Variants in ZNF516 observed in about 807,000 individuals in gnomAD.
The protein encoded by ZNF516 is zinc finger protein 516.
ZNF516 carries 19 observed loss-of-function variants against 79.7 expected under a neutral mutation model. The ratio of observed to expected loss-of-function variants is 0.24; its 90% confidence interval spans 0.17 to 0.35. The LOEUF is 0.35. ZNF516 is among the 10% of genes least tolerant of loss of function. ZNF516 has a pLI of 1.00. For synonymous variants in ZNF516, 877 were observed against 739.5 expected (o/e 1.19, Z -3.02); for missense variants, 1,678 against 1,679.5 (o/e 1.00, Z 0.02).
rs543998578 is a variant in ZNF516, at chr18:76,437,467, T to C, written c.1810+3778A>G. On this transcript the variant is annotated intron_variant, in intron 3 of 6. Transcript: ENST00000443185. The stretch of plus-strand genomic sequence containing the variant: ...TATTTTTTTTTTCTTTGAAGACTCT[T>C]TCCTTGATTCTTCAAATTGCATATA... 5.3e-5 allele frequency among the ~76,000 whole-genome samples: 8 copies of C among 152,140 alleles called. No homozygotes were observed. In the East Asian group the frequency reaches 1.5e-3, roughly 29 times the overall value.
Position 76,459,034 on chromosome 18 carries a change from T to G in ZNF516, c.-158+3994A>C, listed in dbSNP as rs942789362. Among the ~76,000 whole-genome samples, 5 of 152,182 alleles carry G rather than the reference T, an allele frequency of 3.3e-5. No individual in the cohort carries two copies. The highest frequency in any genetic ancestry group is 1.2e-4 in the African/African-American group (5 of 41,452). On this transcript the variant is annotated intron_variant, in intron 2 of 6. Transcript: ENST00000443185. This position sits in a 1 kb window ranked among gnomAD's most constrained non-coding sequence, Gnocchi z 5.0. ...TCTGAGAGAGCACATGTGTGTGATC[T>G]CTTAACCTACATAAAAGCACTCATT...
At chr18:76,479,132 A>G (rs1914348217) in intron 1 of ZNF516, among the ~76,000 whole-genome samples, 2 of 152,094 alleles carry the variant, frequency 1.3e-5, no homozygotes, top group Non-Finnish European at 2.9e-5. Context: ...AATCATCATC[A>G]GGATACCTCA....
intron 1 of ZNF516, among the ~76,000 whole-genome samples, chr18:76,486,801 C>T (rs1428786108): frequency 3.3e-5 from 5 of 152,136 alleles, no homozygotes; most frequent in East Asian, 1.9e-4. Flanking sequence ...CAATTACATA[C>T]GATATACATC....
At chr18:76,386,248 C>T (rs1472822301) in intron 3 of ZNF516, 1 of 152,076 alleles carries the variant, frequency 6.6e-6, no homozygotes, top group Non-Finnish European at 1.5e-5. Context: ...GTTGAACACA[C>T]AGGGTGGCTG....
At chr18:76,453,319 T>A (rs75740895) in intron 2 of ZNF516, among the ~76,000 whole-genome samples, 2,631 of 152,228 alleles carry the variant, frequency 0.017, 37 homozygotes, top group African/African-American at 0.036. Context: ...TCCAGAAGCT[T>A]AGAATTGCAT....
At chr18:76,386,384 T>C (rs1162764322) in intron 3 of ZNF516, 3 of 152,060 alleles carry the variant, frequency 2.0e-5, no homozygotes, top group Non-Finnish European at 4.4e-5. Context: ...GAACAGGTAA[T>C]TGCAAGCATC....
Position 76,442,608 on chromosome 18 carries a change from G to A in ZNF516, c.447C>T (p.Gly149=), listed in dbSNP as rs1402675882. The stretch of plus-strand genomic sequence containing the variant: ...TCTTGCTGCTCCGCAGCAGGACTCT[G>A]CCGCTGTCGGCCTGCGAGGCCCCGT... ...VLNGASQADS[G]RVLLRSSKKG... The change falls in exon 3 of 7, where the codon GGC becomes GGT. Residue 149 remains glycine, a synonymous_variant. Coordinates refer to ENST00000443185, the MANE Select transcript of ZNF516 (RefSeq NM_014643.4). 6.3e-7 allele frequency: 1 copy of A among 1,596,982 alleles called. No individual in the cohort carries two copies. The highest frequency in any genetic ancestry group is 1.7e-5 in the Admixed American group (1 of 59,782).
At chr18:76,415,482 G>A (rs1392504301) in intron 3 of ZNF516, among the ~76,000 whole-genome samples, 1 of 152,172 alleles carries the variant, frequency 6.6e-6, no homozygotes, top group Non-Finnish European at 1.5e-5. Context: ...GTAAGTGGAT[G>A]TATATTCCAT....
At chr18:76,474,243 G>A (rs191029248) in intron 1 of ZNF516, among the ~76,000 whole-genome samples, 83 of 152,202 alleles carry the variant, frequency 5.5e-4, no homozygotes, top group Admixed American at 2.7e-3. Context: ...AATAAAGTAA[G>A]GCTTATCTAA....
intron 3 of ZNF516, among the ~76,000 whole-genome samples, chr18:76,423,948 C>T (rs1338721025): frequency 7.0e-6 from 1 of 142,096 alleles, no homozygotes; most frequent in African/African-American, 2.7e-5. Context: ...GAAAAGGCTC[C>T]CCCGAAACAC....
In ZNF516 at chr18:76,467,945, T is replaced by A. The variant is rs188596049; in HGVS notation, c.-271-4804A>T. Among the ~76,000 whole-genome samples the A allele has an allele frequency of 6.6e-6, 1 of 152,308 alleles. No homozygotes were observed. Among genetic ancestry groups the A allele is most frequent in the Admixed American group, 6.5e-5 (1 of 15,312 alleles). ...ACTCCCACTGTCATCCCAGGCAGCC[T>A]TGCAAGCAAAGAGTAGCTGCGGCGC... On this transcript the variant is annotated intron_variant, in intron 1 of 6. Coordinates refer to ENST00000443185, the MANE Select transcript of ZNF516 (RefSeq NM_014643.4). This position sits in a 1 kb window ranked among gnomAD's most constrained non-coding sequence, Gnocchi z 4.2.
chr18:76,440,726 GTGTGTGTGTGTGTGTT>G (rs1444465725), intron 3 of ZNF516, among the ~76,000 whole-genome samples: 4 of 81,390 alleles, frequency 4.9e-5, no homozygotes, highest in Non-Finnish European at 1.1e-4. Context: ...GTGGAGGAAA[GTGTGTGTGTGTGTGTT>G]TGTGTGTGTG....
rs1415860606 is a variant in ZNF516, at chr18:76,358,715, C to CT, written c.*3782dup. 3 of 152,204 alleles carry CT rather than the reference C, an allele frequency of 2.0e-5. No individual in the cohort carries two copies. The highest frequency in any genetic ancestry group is 7.2e-5 in the African/African-American group (3 of 41,442). 9.4% of individuals were successfully genotyped at this position (152,204 alleles called of 1,614,324 possible). A position where few individuals can be genotyped will look rare whatever the true frequency, so the allele number is the denominator to read the frequency against. Reference sequence around the variant, plus strand: ...TGTGAATGCCGTCCTTCCTTCCTTCCTTTTTCTACAGCTTGGAAACCTCTG... The same window carrying CT: ...TGTGAATGCCGTCCTTCCTTCCTTCCTTTTTTCTACAGCTTGGAAACCTCTG... On this transcript the variant is annotated 3_prime_UTR_variant, in exon 7 of 7. Transcript: ENST00000443185.
At position 76,358,785 on chromosome 18, in the gene ZNF516, G is replaced by A. The variant is rs372649001; in HGVS notation, c.*3713C>T. 3.3e-5 allele frequency: 5 copies of A among 152,344 alleles called. No homozygotes were observed. In the East Asian group the frequency reaches 5.8e-4, roughly 18 times the overall value. The allele number at this position is 152,344 out of a possible 1,614,324, so 9.4% of individuals were successfully genotyped here. On this transcript the variant is annotated 3_prime_UTR_variant, in exon 7 of 7. Transcript: ENST00000443185. The stretch of plus-strand genomic sequence containing the variant: ...AGAGGAGGGTTTGTCTAGTTTGAAG[G>A]AAGGAATGTTGGTAGACAGTCTCCA...
At chr18:76,424,452 T>C (rs1267062177) in intron 3 of ZNF516, among the ~76,000 whole-genome samples, 15 of 92,608 alleles carry the variant, frequency 1.6e-4, no homozygotes, top group African/African-American at 4.0e-4. Flanking sequence ...AAAGGCTCCC[T>C]CGAGACACAC....
intron 3 of ZNF516, among the ~76,000 whole-genome samples, chr18:76,411,702 G>T (rs2075373980): frequency 6.6e-6 from 1 of 152,004 alleles, no homozygotes; most frequent in Admixed American, 6.6e-5. Flanking sequence ...CTACGGAGAG[G>T]GCTCAGAAGG....
intron 3 of ZNF516, among the ~76,000 whole-genome samples, chr18:76,438,423 C>T (rs950573022): frequency 1.7e-4 from 26 of 152,262 alleles, no homozygotes; most frequent in African/African-American, 6.0e-4. Flanking sequence ...ACCCCTCTTT[C>T]TTACTAAAAA....
In ZNF516 at chr18:76,379,872, C is replaced by T. The variant is rs758595599; in HGVS notation, c.2242G>A (p.Glu748Lys). Residue 748 changes from glutamate to lysine, a missense_variant, in exon 4 of 7, where the codon GAG becomes AAG. Around this residue, in one of 5 missense-constraint regions of ZNF516, gnomAD observed 1,294 missense variants for 1,248.3 expected, o/e 1.04. Coordinates refer to ENST00000443185, the MANE Select transcript of ZNF516 (RefSeq NM_014643.4). ...RSTRDDPSNK[E>K]TASSLQAALV... Reference sequence around the variant, plus strand: ...GCCGCCTGCAGGGAGGAGGCCGTCTCCTTATTGCTGGGGTCATCCCGCGTC... The same window carrying T: ...GCCGCCTGCAGGGAGGAGGCCGTCTTCTTATTGCTGGGGTCATCCCGCGTC... 4.9e-5 allele frequency: 79 copies of T among 1,613,800 alleles called. No homozygotes were observed. The highest frequency in any genetic ancestry group is 6.4e-5 in the Non-Finnish European group (76 of 1,179,898).
At chr18:76,405,105 C>T (rs1207555122) in intron 3 of ZNF516, among the ~76,000 whole-genome samples, 1 of 152,150 alleles carries the variant, frequency 6.6e-6, no homozygotes, top group Non-Finnish European at 1.5e-5. Flanking sequence ...ACCTGATGAA[C>T]CAGCCTCCCG....
Sources: allele counts gnomAD v4.1 joint callset (sites outside exome capture counted in the v4.1 genomes callset), GRCh38; gene constraint gnomAD v4.1.1; regional missense constraint gnomAD v4.1.1; non-coding constraint Gnocchi (gnomAD v3.1); transcripts MANE v1.5; gene names NCBI Gene and HGNC (gene_info 2026-07-23, HGNC 2026-07-21).